ATP10B: variants seen among roughly 807,000 people sequenced by gnomAD.
ATP10B encodes phospholipid-transporting ATPase VB.
In ATP10B, 122 loss-of-function variants were observed where a neutral mutation model predicts 141.2. That is an observed-to-expected ratio of 0.86 (90% CI 0.75 to 1.00). The LOEUF is 1.00. Ranked by LOEUF, ATP10B falls within the 50% of genes least tolerant of loss-of-function variation. ATP10B has a pLI of 0.00. For synonymous variants in ATP10B, 685 were observed against 692.0 expected, an observed-to-expected ratio of 0.99 and a Z score of 0.16; for missense variants, 1,876 against 1,825.3, an observed-to-expected ratio of 1.03 and a Z score of -0.51.
At chr5:160,762,772 G>T (rs765271405) in intron 2 of ATP10B, among the ~76,000 whole-genome samples, 20 of 152,022 alleles carry the variant, frequency 1.3e-4, no homozygotes, top group Non-Finnish European at 2.1e-4. Context: ...GATACAGAAT[G>T]GCAGAATGGA....
In ATP10B at chr5:160,683,213, G is replaced by A. The variant is rs184512360; in HGVS notation, c.470+2866C>T. Among the ~76,000 whole-genome samples the A allele has an allele frequency of 1.0e-3, 153 of 152,222 alleles. 3 individuals carry two copies. The highest frequency in any genetic ancestry group is 2.0e-3 in the Admixed American group (30 of 15,280). On this transcript the variant is annotated intron_variant, in intron 6 of 25. Coordinates refer to ENST00000327245, the MANE Select transcript of ATP10B (RefSeq NM_025153.3). Reference sequence around the variant, plus strand: ...GAACGACTAAATGTTAACTCTGGCTGTCCAGTGTGCTCATAACATTCAAGA... The same window carrying A: ...GAACGACTAAATGTTAACTCTGGCTATCCAGTGTGCTCATAACATTCAAGA...
intron 1 of ATP10B, among the ~76,000 whole-genome samples, chr5:160,791,595 C>T (rs1336642705): frequency 6.6e-6 from 1 of 152,136 alleles, no homozygotes; most frequent in Non-Finnish European, 1.5e-5. Flanking sequence ...AGTGCTTATT[C>T]TTCTGATCCA....
the ATP10B span, among the ~76,000 whole-genome samples, chr5:160,906,324 A>G: frequency 2.8e-3 from 416 of 148,286 alleles, 2 homozygotes; most frequent in South Asian, 0.014. Context: ...AGCCTCTGGG[A>G]AAAAAAAAAC....
chr5:160,861,911 A>G, the ATP10B span, among the ~76,000 whole-genome samples: 1 of 151,982 alleles, frequency 6.6e-6, no homozygotes, highest in Non-Finnish European at 1.5e-5. Context: ...TATTTTAATG[A>G]TAAGTAACTA....
intron 7 of ATP10B, among the ~76,000 whole-genome samples, chr5:160,657,528 A>G (rs1318992519): frequency 6.6e-6 from 1 of 152,090 alleles, no homozygotes; most frequent in Non-Finnish European, 1.5e-5. Flanking sequence ...TCTGAGGGAG[A>G]CTATCTTAAG....
chr5:160,861,277 A>T, the ATP10B span, among the ~76,000 whole-genome samples: 1 of 151,860 alleles, frequency 6.6e-6, no homozygotes, highest in Non-Finnish European at 1.5e-5. Context: ...AGAATAGAGA[A>T]CTACCTACCA....
intron 24 of ATP10B, among the ~76,000 whole-genome samples, chr5:160,586,413 T>C (rs1006662922): frequency 1.3e-5 from 2 of 152,252 alleles, no homozygotes; most frequent in African/African-American, 4.8e-5. Context: ...GTCTTTGCTA[T>C]TGTAAATAGT....
rs779801920 is a variant in ATP10B at position 160,615,867 on chromosome 5, T to G, written c.2624A>C (p.Gln875Pro). 6 of 1,613,702 alleles carry G rather than the reference T, an allele frequency of 3.7e-6. No individual in the cohort carries two copies. In the South Asian group the frequency reaches 5.5e-5, roughly 15 times the overall value. The change falls in exon 17 of 26, where the codon CAG becomes CCG. Residue 875 changes from glutamine (Q) to proline (P), a missense_variant. By Grantham distance (76) the Gln-to-Pro change is moderately conservative (BLOSUM62 -1). Transcript: ENST00000327245. The part of the protein sequence containing the change: ...NRDELLMETA[Q>P]HLENQLTLLG... ...TAAGGTGAGTTGATTCTCCAGATGC[T>G]GTGCAGTTTCCATGAGAAGCTCATC...
rs887870495 is a variant in ATP10B at position 160,613,019 on chromosome 5, G to A, written c.2654-94C>T. ...CATGTGAAGCCAGGCAATGTTTATT[G>A]GATAGCATCACTGTGCTAGGCTGTG... On this transcript the variant is annotated intron_variant, in intron 17 of 25. Transcript: ENST00000327245. 4.8e-6 allele frequency: 6 copies of A among 1,243,192 alleles called. No individual in the cohort carries two copies. In the South Asian group the frequency reaches 8.8e-5, roughly 18 times the overall value. The allele number at this position is 1,243,192 out of a possible 1,614,324, so 77.0% of individuals were successfully genotyped here. A position where few individuals can be genotyped will look rare whatever the true frequency, so the allele number is the denominator to read the frequency against.
intron 2 of ATP10B, among the ~76,000 whole-genome samples, chr5:160,781,579 C>T (rs1770716367): frequency 6.6e-6 from 1 of 151,980 alleles, no homozygotes; most frequent in South Asian, 2.1e-4. Flanking sequence ...TAGAAAACAT[C>T]TTTGGAAATA....
intron 3 of ATP10B, among the ~76,000 whole-genome samples, chr5:160,707,274 T>G (rs778368881): frequency 2.4e-4 from 37 of 152,302 alleles, no homozygotes; most frequent in Admixed American, 8.5e-4. Flanking sequence ...TCTGAAACAA[T>G]ACTGAGCAAC....
At chr5:160,821,339 A>G (rs1252585206) in intron 1 of ATP10B, among the ~76,000 whole-genome samples, 1 of 152,112 alleles carries the variant, frequency 6.6e-6, no homozygotes, top group East Asian at 1.9e-4. Context: ...TAAAAACTAT[A>G]AAACAGCTGA....
chr5:160,827,143 G>A (rs1774671384), intron 1 of ATP10B, among the ~76,000 whole-genome samples: 1 of 152,130 alleles, frequency 6.6e-6, no homozygotes, highest in Non-Finnish European at 1.5e-5. Context: ...TGCAGCTCAG[G>A]TGGGCATCAT....
the ATP10B span, among the ~76,000 whole-genome samples, chr5:160,899,342 AAG>A: frequency 6.6e-6 from 1 of 152,112 alleles, no homozygotes; most frequent in African/African-American, 2.4e-5. Context: ...TATTAAAAAT[AAG>A]AAAGTGGGGA....
At chr5:160,707,130 T>C (rs866039705) in intron 3 of ATP10B, among the ~76,000 whole-genome samples, 6 of 152,026 alleles carry the variant, frequency 3.9e-5, no homozygotes, top group Admixed American at 2.0e-4. Context: ...TTTGTATTTT[T>C]AGTAGAGATG....
chr5:160,766,337 A>AACACACACAC lies in ATP10B; in HGVS notation c.-331+19212_-331+19221dup, dbSNP rs58890049. Among the ~76,000 whole-genome samples, 1,269 of 140,362 alleles carry AACACACACAC rather than the reference A, an allele frequency of 9.0e-3. 12 individuals carry two copies. Among genetic ancestry groups the AACACACACAC allele is most frequent in the East Asian group, 0.014 (65 of 4,730 alleles). The allele number at this position is 140,362 out of a possible 152,430, so 92.1% of individuals were successfully genotyped here. Reference sequence around the variant, plus strand: ...CACCAATCAATGAGTGGATAAAGAGAACACACACACACACACACACACACA... The same window carrying AACACACACAC: ...CACCAATCAATGAGTGGATAAAGAGAACACACACACACACACACACACACACACACACACA... On this transcript the variant is annotated intron_variant, in intron 2 of 25. Coordinates refer to ENST00000327245, the MANE Select transcript of ATP10B (RefSeq NM_025153.3).
the ATP10B span, among the ~76,000 whole-genome samples, chr5:160,873,213 T>C: frequency 6.6e-6 from 1 of 152,058 alleles, no homozygotes; most frequent in Non-Finnish European, 1.5e-5. Flanking sequence ...AATTTTAGAA[T>C]TGTTTTAGTA....
chr5:160,841,165 G>A (rs1013004108), intron 1 of ATP10B, among the ~76,000 whole-genome samples: 1 of 152,130 alleles, frequency 6.6e-6, no homozygotes, highest in Non-Finnish European at 1.5e-5. Context: ...CTACCAAAAT[G>A]TCTGAGCATA....
chr5:160,613,908 G>A (rs1426322590), intron 17 of ATP10B: 6 of 152,184 alleles, frequency 3.9e-5, no homozygotes, highest in African/African-American at 4.8e-5. Context: ...GCAGGAGCAC[G>A]GCATTTTGTT....
Sources: gnomAD v4.1 joint callset for allele counts (sites outside exome capture counted in the v4.1 genomes callset) on GRCh38, gnomAD v4.1.1 for gene constraint, MANE v1.5 for transcripts, NCBI Gene and HGNC (gene_info 2026-07-23, HGNC 2026-07-21) for gene names.